KIAA1549: variants seen among roughly 807,000 people sequenced by gnomAD.
KIAA1549 encodes UPF0606 protein KIAA1549.
In KIAA1549, 70 loss-of-function variants were observed where a neutral mutation model predicts 156.4. That is an observed-to-expected ratio of 0.45 (90% CI 0.37 to 0.55). The LOEUF (loss-of-function observed/expected upper bound fraction) is 0.55. Ranked by LOEUF, KIAA1549 falls within the 20% of genes least tolerant of loss-of-function variation. KIAA1549 has a pLI of 0.00. For missense variants in KIAA1549, 2,428 were observed against 2,540.9 expected, an observed-to-expected ratio of 0.96 and a Z score of 0.96; for synonymous variants, 1,103 against 1,066.4, an observed-to-expected ratio of 1.03 and a Z score of -0.67.
intron 1 of KIAA1549, among the ~76,000 whole-genome samples, chr7:138,980,557 A>T (rs947298855): frequency 1.3e-5 from 2 of 152,210 alleles, no homozygotes; most frequent in African/African-American, 4.8e-5. Context: ...GCGCTTTCCA[A>T]GAGGTTTTCT....
At chr7:138,880,149 T>C (rs1012963443) in intron 11 of KIAA1549, among the ~76,000 whole-genome samples, 10 of 152,230 alleles carry the variant, frequency 6.6e-5, no homozygotes, top group Admixed American at 6.5e-4. Flanking sequence ...GCAAGAGTAC[T>C]GTGGCACCCA....
In KIAA1549 at chr7:138,917,064, T is replaced by C; in HGVS notation, c.2562A>G (p.Ala854=). 1 of 1,608,210 alleles carries C rather than the reference T, an allele frequency of 6.2e-7. No homozygotes were observed. Among genetic ancestry groups the C allele is most frequent in the East Asian group, 2.2e-5 (1 of 44,836 alleles). ...LPSGSSFVSE[A]TPFPLPTELT... ...GCTCTGTGGGCAGAGGGAAGGGGGT[T>C]GCTTCAGAAACAAACGAGGATCCTG... Residue 854 remains alanine, a synonymous_variant, in exon 2 of 20, where the codon GCA becomes GCG. Transcript: ENST00000422774.
chr7:138,927,644 T>TA (rs980429465), intron 1 of KIAA1549, among the ~76,000 whole-genome samples: 3 of 152,188 alleles, frequency 2.0e-5, no homozygotes, highest in Admixed American at 6.5e-5. Flanking sequence ...CTTAAAAAAA[T>TA]AAAAAAAGAA....
At chr7:138,916,679 C>T in intron 2 of KIAA1549, 69 bp downstream of exon 2, 1 of 1,575,154 alleles carries the variant, frequency 6.3e-7, no homozygotes. Flanking sequence ...CCAAGCCTCA[C>T]AGGCACTGCA....
At chr7:138,927,455 T>C (rs998577192) in intron 1 of KIAA1549, among the ~76,000 whole-genome samples, 1 of 152,194 alleles carries the variant, frequency 6.6e-6, no homozygotes, top group Non-Finnish European at 1.5e-5. Context: ...CTGGCCAACA[T>C]AGTGAAACCC....
At chr7:138,904,917 T>C (rs532383271) in intron 7 of KIAA1549, 105 bp downstream of exon 7, 2 of 708,028 alleles carry the variant, frequency 2.8e-6, no homozygotes, top group African/African-American at 1.8e-5. Context: ...GTAAGGTACA[T>C]TTTGCCCTAA....
intron 2 of KIAA1549, among the ~76,000 whole-genome samples, chr7:138,915,807 C>T (rs1812300864): frequency 6.6e-6 from 1 of 152,222 alleles, no homozygotes; most frequent in Admixed American, 6.5e-5. Flanking sequence ...GTTCAGCACA[C>T]AGTCATGACC....
At chr7:138,906,288 G>A (rs530602329) in intron 6 of KIAA1549, among the ~76,000 whole-genome samples, 2 of 152,290 alleles carry the variant, frequency 1.3e-5, no homozygotes, top group South Asian at 2.1e-4. Context: ...CAGAATGCAC[G>A]ACACCCAGGG....
At chr7:138,935,720 G>C (rs1299664292) in intron 1 of KIAA1549, among the ~76,000 whole-genome samples, 2 of 152,196 alleles carry the variant, frequency 1.3e-5, no homozygotes, top group Non-Finnish European at 2.9e-5. Context: ...AGACACCACT[G>C]CCTCCCTGGG....
chr7:138,893,035 G>C (rs1176536191), intron 10 of KIAA1549, among the ~76,000 whole-genome samples: 3 of 152,212 alleles, frequency 2.0e-5, no homozygotes, highest in African/African-American at 4.8e-5. Flanking sequence ...TGCTGTACTA[G>C]TGAGTGCTCC....
Position 138,896,036 on chromosome 7 carries a change from T to A in KIAA1549, c.3848-1510A>T, listed in dbSNP as rs185111157. ...GTTGCACTTCAACTCCTCGGCCACT[T>A]CATGTCCTTCACTAGCTCTTTGTTT... is the stretch of plus-strand genomic sequence containing the variant. On this transcript the variant is annotated intron_variant, in intron 9 of 19. Coordinates refer to ENST00000422774, the MANE Select transcript of KIAA1549 (RefSeq NM_001164665.2). Among the ~76,000 whole-genome samples the A allele has an allele frequency of 3.3e-3, 488 of 147,916 alleles. 3 individuals are homozygous for A. Among genetic ancestry groups the A allele is most frequent in the Non-Finnish European group, 5.8e-3 (386 of 66,816 alleles).
rs1327370432 is a variant in KIAA1549 at position 138,913,925 on chromosome 7, A to AGAGGGAGACAGGAGGGAG, written c.2879-1483_2879-1466dup. On this transcript the variant is annotated intron_variant, in intron 2 of 19. Coordinates refer to ENST00000422774, the MANE Select transcript of KIAA1549 (RefSeq NM_001164665.2). ...TGAAGAGGGAGGGAGAAATGAGGAAAGAGGGAGACAGGAGGGAGGAGGGAG... is the reference window on the plus strand; with the variant it reads ...TGAAGAGGGAGGGAGAAATGAGGAAAGAGGGAGACAGGAGGGAGGAGGGAGACAGGAGGGAGGAGGGAG... Among the ~76,000 whole-genome samples the AGAGGGAGACAGGAGGGAG allele has an allele frequency of 6.0e-5, 9 of 150,970 alleles. 1 individual carries two copies. The highest frequency in any genetic ancestry group is 4.6e-4 in the Admixed American group (7 of 15,086).
chr7:138,900,857 G>A (rs1230203576), intron 8 of KIAA1549, among the ~76,000 whole-genome samples: 1 of 152,208 alleles, frequency 6.6e-6, no homozygotes, highest in East Asian at 1.9e-4. Context: ...CATGACACCA[G>A]CACCATGCTT....
At chr7:138,939,569 T>C (rs1335095932) in intron 1 of KIAA1549, among the ~76,000 whole-genome samples, 1 of 152,228 alleles carries the variant, frequency 6.6e-6, no homozygotes, top group Non-Finnish European at 1.5e-5. Flanking sequence ...AACTGGTAGT[T>C]AGATCAAGAG....
chr7:138,879,431 C>T (rs1453875180), intron 12 of KIAA1549, 107 bp downstream of exon 12: 3 of 650,586 alleles, frequency 4.6e-6, no homozygotes. Flanking sequence ...TTTTCCATTT[C>T]CCAGATTTCT....
intron 16 of KIAA1549, among the ~76,000 whole-genome samples, chr7:138,857,133 T>C (rs113284130): frequency 7.2e-5 from 11 of 152,242 alleles, no homozygotes; most frequent in African/African-American, 2.4e-4. Flanking sequence ...AAGCAGATCA[T>C]GGGATTCTCA....
In KIAA1549 at chr7:138,869,641, T is replaced by C; in HGVS notation, c.4672A>G (p.Thr1558Ala). Reference protein sequence around the residue: ...PVVDDLSSGDTKERHRVYRRA... With the variant: ...PVVDDLSSGDAKERHRVYRRA... Reference sequence around the variant, plus strand: ...CGGTACACCCGGTGTCGCTCCTTAGTGTCGCCCGAGGACAGGTCGTCTACC... The same window carrying C: ...CGGTACACCCGGTGTCGCTCCTTAGCGTCGCCCGAGGACAGGTCGTCTACC... The change falls in exon 14 of 20, where the codon ACT becomes GCT. Residue 1558 changes from threonine to alanine, a missense_variant. Around this residue, in one of 5 missense-constraint regions of KIAA1549, gnomAD observed 404 missense variants for 417.0 expected, o/e 0.97. Coordinates refer to ENST00000422774, the MANE Select transcript of KIAA1549 (RefSeq NM_001164665.2). 6.2e-7 allele frequency: 1 copy of C among 1,611,346 alleles called. No homozygotes were observed. Among genetic ancestry groups the C allele is most frequent in the Non-Finnish European group, 8.5e-7 (1 of 1,179,530 alleles).
Position 138,838,168 on chromosome 7 carries a change from A to T in KIAA1549, c.5599-8T>A. On this transcript the variant is annotated splice_polypyrimidine_tract_variant and splice_region_variant and intron_variant, in intron 19 of 19. Transcript: ENST00000422774. ...ATGTCCGAGCATGTGTGTCTGAAAA[A>T]CATGGCAAACGTCACTGTACTTCCT... The T allele has an allele frequency of 6.9e-7, 1 of 1,456,844 alleles. No homozygotes were observed. Among genetic ancestry groups the T allele is most frequent in the Non-Finnish European group, 9.0e-7 (1 of 1,110,610 alleles). 90.2% of individuals were successfully genotyped at this position (1,456,844 alleles called of 1,614,324 possible).
intron 13 of KIAA1549, among the ~76,000 whole-genome samples, chr7:138,870,806 G>A (rs1327212286): frequency 6.6e-6 from 1 of 152,162 alleles, no homozygotes; most frequent in Non-Finnish European, 1.5e-5. Context: ...CAATAAGTGT[G>A]TGAGTTTTTT....
Sources: gnomAD v4.1 joint callset for allele counts (sites outside exome capture counted in the v4.1 genomes callset) on GRCh38, gnomAD v4.1.1 for gene constraint, gnomAD v4.1.1 regional missense constraint, MANE v1.5 for transcripts, NCBI Gene and HGNC (gene_info 2026-07-23, HGNC 2026-07-21) for gene names.